HERC2: variants seen among roughly 807,000 people sequenced by gnomAD.
The protein encoded by HERC2 is E3 ubiquitin-protein ligase HERC2.
Under a neutral mutation model 537.7 loss-of-function variants are expected in HERC2, and 102 were observed. The observed-to-expected ratio is 0.19, with a 90% CI of 0.16 to 0.22. The LOEUF is 0.22. Ranked by LOEUF, HERC2 falls within the 10% of genes least tolerant of loss-of-function variation. The pLI is 1.00. For synonymous variants in HERC2, 2,224 were observed against 2,466.2 expected (o/e 0.90, Z 2.91); for missense variants, 4,236 against 6,198.2 (o/e 0.68, Z 10.63).
chr15:28,210,548 C>T (rs1429287248), intron 44 of HERC2, among the ~76,000 whole-genome samples: 1 of 152,204 alleles, frequency 6.6e-6, no homozygotes, highest in Non-Finnish European at 1.5e-5. Context: ...AAGACCAACT[C>T]ATTTCCTCAG....
chr15:28,157,964 G>T (rs28842779), intron 69 of HERC2, among the ~76,000 whole-genome samples: 5,637 of 152,188 alleles, frequency 0.037, 338 homozygotes, highest in African/African-American at 0.13. Context: ...TGGTTTCAAA[G>T]AACAACTTTA....
intron 30 of HERC2, among the ~76,000 whole-genome samples, chr15:28,231,603 G>A (rs965042696): frequency 3.3e-5 from 5 of 152,072 alleles, no homozygotes; most frequent in African/African-American, 7.2e-5. Context: ...TCCACGTGAC[G>A]CCACTGGGGA....
intron 69 of HERC2, among the ~76,000 whole-genome samples, chr15:28,154,814 G>A (rs1170560977): frequency 1.3e-5 from 2 of 151,912 alleles, no homozygotes; most frequent in Non-Finnish European, 2.9e-5. Context: ...TGTGCACAAC[G>A]TGCAGGTTTG....
chr15:28,192,598 A>C (rs1175375832), intron 52 of HERC2, among the ~76,000 whole-genome samples: 2 of 152,224 alleles, frequency 1.3e-5, no homozygotes, highest in Non-Finnish European at 2.9e-5. Context: ...AACACTCAAA[A>C]ATAAATAAAT....
chr15:28,281,540 T>C (rs531523135), intron 4 of HERC2, among the ~76,000 whole-genome samples: 1 of 152,274 alleles, frequency 6.6e-6, no homozygotes, highest in African/African-American at 2.4e-5. Context: ...ACCCACTACC[T>C]GGATATGCTC....
intron 44 of HERC2, among the ~76,000 whole-genome samples, chr15:28,209,297 A>T (rs1282199259): frequency 2.0e-5 from 3 of 152,194 alleles, no homozygotes; most frequent in Non-Finnish European, 4.4e-5. Flanking sequence ...ATATAATTTT[A>T]AAAAGAATAG....
intron 3 of HERC2, among the ~76,000 whole-genome samples, chr15:28,294,805 G>C (rs552275900): frequency 2.6e-5 from 4 of 151,990 alleles, no homozygotes; most frequent in African/African-American, 9.7e-5. Flanking sequence ...GTGAGCATGC[G>C]TGACTAATAA....
Position 28,273,163 on chromosome 15 carries a change from G to C in HERC2, c.801-159C>G, listed in dbSNP as rs1464093828. 3.1e-5 allele frequency: 20 copies of C among 643,744 alleles called. No homozygotes were observed. In the Admixed American group the frequency reaches 4.9e-4, roughly 16 times the overall value. The allele number at this position is 643,744 out of a possible 1,614,324, so 39.9% of individuals were successfully genotyped here. A position where few individuals can be genotyped will look rare whatever the true frequency, so the allele number is the denominator to read the frequency against. On this transcript the variant is annotated intron_variant, in intron 7 of 92. Transcript: ENST00000261609. ...GATACTTGCTACTCAAATTTATTCAGAGATTATAAGTGTACAATTAGCTTA... is the reference window on the plus strand; with the variant it reads ...GATACTTGCTACTCAAATTTATTCACAGATTATAAGTGTACAATTAGCTTA...
In HERC2 at chr15:28,114,615, T is replaced by G; in HGVS notation, c.13910A>C (p.Tyr4637Ser). Residue 4637 changes from tyrosine to serine, a missense_variant, in exon 90 of 93, where the codon TAT becomes TCT. Tyr to Ser is a moderately radical substitution (Grantham distance 144, BLOSUM62 -2). Around this residue, in one of 27 missense-constraint regions of HERC2, gnomAD observed 313 missense variants for 462.6 expected, o/e 0.68. Coordinates refer to ENST00000261609, the MANE Select transcript of HERC2 (RefSeq NM_004667.6). ...ACAGAGACGGATGACCACCAACCTATAGTTTATCGCCAGCCGCACGTACTC... is the reference window on the plus strand; with the variant it reads ...ACAGAGACGGATGACCACCAACCTAGAGTTTATCGCCAGCCGCACGTACTC... Reference protein sequence around the residue: ...RAEYVRLAINYRLHEFDEQVA... With the variant: ...RAEYVRLAINSRLHEFDEQVA... 1 of 1,613,048 alleles carries G rather than the reference T, an allele frequency of 6.2e-7. No individual in the cohort carries two copies. Among genetic ancestry groups the G allele is most frequent in the Non-Finnish European group, 8.5e-7 (1 of 1,179,484 alleles).
chr15:28,215,533 T>G (rs989247086), intron 39 of HERC2, 88 bp downstream of exon 39: 59 of 1,129,398 alleles, frequency 5.2e-5, no homozygotes, highest in African/African-American at 7.9e-5. Flanking sequence ...CACTCGTTAC[T>G]GAATAAAGGC....
Position 28,265,978 on chromosome 15 carries a change from G to T in HERC2, c.1599-4C>A. 6.2e-7 allele frequency: 1 copy of T among 1,613,496 alleles called. No individual in the cohort carries two copies. The highest frequency in any genetic ancestry group is 8.5e-7 in the Non-Finnish European group (1 of 1,179,646). ...CACCTTAGGCTCCTCCAAAGGCCTTGGGGAGAAAGGGAACAAACATGAATG... is the reference window on the plus strand; with the variant it reads ...CACCTTAGGCTCCTCCAAAGGCCTTTGGGAGAAAGGGAACAAACATGAATG... On this transcript the variant is annotated splice_polypyrimidine_tract_variant and splice_region_variant and intron_variant, in intron 12 of 92. Transcript: ENST00000261609. This position sits in a 1 kb window ranked among gnomAD's most constrained non-coding sequence, Gnocchi z 4.0.
At chr15:28,230,252 T>A in intron 31 of HERC2, 115 bp downstream of exon 31, 1 of 1,009,564 alleles carries the variant, frequency 9.9e-7, no homozygotes, top group Non-Finnish European at 1.5e-6. Context: ...ACTGGGGCCA[T>A]GTTTCTAACA....
At chr15:28,124,912 C>T in intron 84 of HERC2, 94 bp downstream of exon 84, 1 of 1,239,860 alleles carries the variant, frequency 8.1e-7, no homozygotes, top group Non-Finnish European at 1.1e-6. Context: ...TTATTTTCAC[C>T]AAGAAGCCTC....
chr15:28,298,184 C>T (rs2076523541), intron 3 of HERC2, among the ~76,000 whole-genome samples: 1 of 146,646 alleles, frequency 6.8e-6, no homozygotes. Flanking sequence ...GATGGAGTCT[C>T]ACTCTGTCAC....
Position 28,113,392 on chromosome 15 carries a change from G to A in HERC2, c.14020-109C>T, listed in dbSNP as rs1009481880. ...CAAGGCCTGTTTGGGGTGGGGAAAG[G>A]TCTGGGGGCTCTGGGTGGGCCCACA... is the stretch of plus-strand genomic sequence containing the variant. On this transcript the variant is annotated intron_variant, in intron 91 of 92. Transcript: ENST00000261609. This position sits in a 1 kb window ranked among gnomAD's most constrained non-coding sequence, Gnocchi z 7.0. 14 of 1,272,826 alleles carry A rather than the reference G, an allele frequency of 1.1e-5. No homozygotes were observed. In the African/African-American group the frequency reaches 2.1e-4, roughly 19 times the overall value. The allele number at this position is 1,272,826 out of a possible 1,614,324, so 78.8% of individuals were successfully genotyped here.
chr15:28,240,864 C>T (rs1438683879), intron 23 of HERC2, among the ~76,000 whole-genome samples: 1 of 148,160 alleles, frequency 6.7e-6, no homozygotes, highest in Admixed American at 6.6e-5. Flanking sequence ...GGAGGTAGAC[C>T]CTTACCTTAC....
chr15:28,111,579 G>A lies in HERC2; in HGVS notation c.*184C>T, dbSNP rs764451898. On this transcript the variant is annotated 3_prime_UTR_variant, in exon 93 of 93. Transcript: ENST00000261609. ...AAGTCGAGCGTCCACAGTGTTCCACGCGCACAGGCGGACCTTCTCACTGTC... is the reference window on the plus strand; with the variant it reads ...AAGTCGAGCGTCCACAGTGTTCCACACGCACAGGCGGACCTTCTCACTGTC... The A allele has an allele frequency of 2.1e-5, 13 of 625,704 alleles. No individual in the cohort carries two copies. Among genetic ancestry groups the A allele is most frequent in the Non-Finnish European group, 3.3e-5 (12 of 360,238 alleles). The allele number at this position is 625,704 out of a possible 1,614,324, so 38.8% of individuals were successfully genotyped here.
At chr15:28,193,361 A>G (rs78712637) in intron 52 of HERC2, among the ~76,000 whole-genome samples, 11 of 152,228 alleles carry the variant, frequency 7.2e-5, no homozygotes. Flanking sequence ...TAAGAACTTA[A>G]TGAGTAAGTT....
chr15:28,136,777 C>T lies in HERC2; in HGVS notation c.12016-1085G>A, dbSNP rs143704278. ...ACTATATGGCCCAAAGCTGAAAATA[C>T]CATTGTGCCCTTTACAGAAAGTGTT... On this transcript the variant is annotated intron_variant, in intron 78 of 92. Coordinates refer to ENST00000261609, the MANE Select transcript of HERC2 (RefSeq NM_004667.6). 4.2e-3 allele frequency among the ~76,000 whole-genome samples: 636 copies of T among 152,308 alleles called. 6 individuals carry two copies. The highest frequency in any genetic ancestry group is 0.014 in the African/African-American group (595 of 41,570).
Sources: gnomAD v4.1 joint callset for allele counts (sites outside exome capture counted in the v4.1 genomes callset) on GRCh38, gnomAD v4.1.1 for gene constraint, gnomAD v4.1.1 regional missense constraint, Gnocchi (gnomAD v3.1) non-coding constraint, MANE v1.5 for transcripts, NCBI Gene and HGNC (gene_info 2026-07-23, HGNC 2026-07-21) for gene names.